Variants in SLC25A26 observed in about 807,000 individuals in gnomAD.
The protein encoded by SLC25A26 is mitochondrial S-adenosylmethionine carrier protein.
Under a neutral mutation model 37.8 loss-of-function variants are expected in SLC25A26, and 36 were observed. The ratio of observed to expected loss-of-function variants is 0.95; its 90% CI spans 0.73 to 1.26. The LOEUF is 1.26. SLC25A26 is among the 50% of genes most tolerant of loss of function. The pLI is 0.00. For synonymous variants in SLC25A26, 129 were observed against 122.5 expected (o/e 1.05, Z -0.35); for missense variants, 390 against 331.1 (o/e 1.18, Z -1.38).
chr3:66,331,815 A>G (rs1224799834), intron 5 of SLC25A26, among the ~76,000 whole-genome samples: 1 of 152,170 alleles, frequency 6.6e-6, no homozygotes, highest in Non-Finnish European at 1.5e-5. Flanking sequence ...CTTTGCTATA[A>G]TAACTTCTGT....
At chr3:66,183,980 G>A (rs1403605533) in intron 1 of SLC25A26, among the ~76,000 whole-genome samples, 1 of 151,732 alleles carries the variant, frequency 6.6e-6, no homozygotes, top group Non-Finnish European at 1.5e-5. Flanking sequence ...TCTCACACTG[G>A]TGTTGACCCA....
In SLC25A26 at chr3:66,229,260, A is replaced by G. The variant is rs143522562; in HGVS notation, c.34-7284A>G. Among the ~76,000 whole-genome samples the G allele has an allele frequency of 6.2e-3, 944 of 152,312 alleles. 8 individuals are homozygous for G. The highest frequency in any genetic ancestry group is 0.014 in the Middle Eastern group (4 of 294). ...ATTTTATTTAATTCTCAAAAACTCT[A>G]TGAAGTATAGGTACTCTTTTCCCTG... On this transcript the variant is annotated intron_variant, in intron 1 of 9. Transcript: ENST00000354883.
intron 9 of SLC25A26, among the ~76,000 whole-genome samples, chr3:66,374,181 C>T (rs1700504967): frequency 6.6e-6 from 1 of 152,216 alleles, no homozygotes; most frequent in African/African-American, 2.4e-5. Context: ...AATTGCACTT[C>T]TCAGTGCACT....
intron 1 of SLC25A26, among the ~76,000 whole-genome samples, chr3:66,183,554 G>A (rs192331292): frequency 5.9e-5 from 9 of 151,692 alleles, no homozygotes; most frequent in African/African-American, 1.5e-4. Context: ...GACCTTTATC[G>A]TGATGTTGAC....
At chr3:66,340,497 C>T (rs572026353) in intron 5 of SLC25A26, among the ~76,000 whole-genome samples, 19 of 152,164 alleles carry the variant, frequency 1.2e-4, no homozygotes, top group African/African-American at 4.6e-4. Flanking sequence ...TATCCACGGA[C>T]CACCCGTTCT....
At chr3:66,295,409 T>TG (rs1327074987) in intron 5 of SLC25A26, among the ~76,000 whole-genome samples, 5 of 148,888 alleles carry the variant, frequency 3.4e-5, no homozygotes, top group African/African-American at 9.9e-5. Flanking sequence ...ATTTTTGTTT[T>TG]TTTTTTTTTT....
intron 2 of SLC25A26, among the ~76,000 whole-genome samples, chr3:66,240,569 G>T (rs141287111): frequency 6.6e-6 from 1 of 151,860 alleles, no homozygotes; most frequent in African/African-American, 2.4e-5. Context: ...GGGCCACTGT[G>T]CCTGGCCCAT....
At chr3:66,243,151 G>A in intron 2 of SLC25A26, 52 bp from the exon 3 acceptor site, 1 of 830,708 alleles carries the variant, frequency 1.2e-6, no homozygotes. Flanking sequence ...TTTCTTAACA[G>A]TGTGAATATA....
chr3:66,290,697 G>C (rs2074675138), intron 5 of SLC25A26, among the ~76,000 whole-genome samples: 1 of 152,158 alleles, frequency 6.6e-6, no homozygotes, highest in Non-Finnish European at 1.5e-5. Flanking sequence ...TTGTCGGTGT[G>C]CTGCTGGATT....
At chr3:66,237,928 T>C (rs2072374264) in intron 2 of SLC25A26, among the ~76,000 whole-genome samples, 1 of 152,240 alleles carries the variant, frequency 6.6e-6, no homozygotes, top group African/African-American at 2.4e-5. Flanking sequence ...CATAAAGGTT[T>C]GTAGTGCAAA....
Position 66,315,736 on chromosome 3 carries a change from T to C in SLC25A26, c.454-30628T>C, listed in dbSNP as rs181770213. Among the ~76,000 whole-genome samples, 7 of 152,308 alleles carry C rather than the reference T, an allele frequency of 4.6e-5. 1 individual carries two copies. Among genetic ancestry groups the C allele is most frequent in the Admixed American group, 3.3e-4 (5 of 15,294 alleles). ...GTATTAAAGTCTCCCACTATACTTG[T>C]GTGGGAGTGTAAATCTCTTTGTAGG... On this transcript the variant is annotated intron_variant, in intron 5 of 9. Coordinates refer to ENST00000354883, the MANE Select transcript of SLC25A26 (RefSeq NM_001379210.1).
At chr3:66,209,900 A>C (rs1361448484) in intron 1 of SLC25A26, among the ~76,000 whole-genome samples, 177 of 11,974 alleles carry the variant, frequency 0.015, 2 homozygotes, top group African/African-American at 0.06. Flanking sequence ...CTCTCTATTT[A>C]TATATATATA....
intron 3 of SLC25A26, among the ~76,000 whole-genome samples, chr3:66,252,105 A>G (rs1265598323): frequency 2.0e-5 from 3 of 152,108 alleles, no homozygotes; most frequent in African/African-American, 2.4e-5. Context: ...ACTGAATACT[A>G]CTCTCAAAGG....
At chr3:66,296,261 A>T (rs1288845141) in intron 5 of SLC25A26, among the ~76,000 whole-genome samples, 1 of 152,200 alleles carries the variant, frequency 6.6e-6, no homozygotes, top group South Asian at 2.1e-4. Context: ...TAAATTTGGG[A>T]ATTTTTCACT....
intron 1 of SLC25A26, among the ~76,000 whole-genome samples, chr3:66,222,045 G>A (rs2071520377): frequency 1.3e-5 from 2 of 152,074 alleles, no homozygotes; most frequent in Admixed American, 1.3e-4. Flanking sequence ...ATAACAGGTG[G>A]GCTAGGTTCA....
chr3:66,247,100 G>A (rs546456665), intron 3 of SLC25A26, among the ~76,000 whole-genome samples: 80 of 151,972 alleles, frequency 5.3e-4, no homozygotes, highest in Non-Finnish European at 9.9e-4. Context: ...TCCTGACTTC[G>A]TGATCCGCCC....
At chr3:66,211,110 G>T (rs1480508222) in intron 1 of SLC25A26, among the ~76,000 whole-genome samples, 2 of 152,170 alleles carry the variant, frequency 1.3e-5, no homozygotes, top group Non-Finnish European at 2.9e-5. Context: ...TTGGATCTGA[G>T]AAATGACAAA....
At chr3:66,332,935 T>C (rs1426415072) in intron 5 of SLC25A26, among the ~76,000 whole-genome samples, 1 of 152,218 alleles carries the variant, frequency 6.6e-6, no homozygotes. Context: ...TGAGTATCCA[T>C]ACATACACTT....
chr3:66,244,463 T>C (rs1239308648), intron 3 of SLC25A26, among the ~76,000 whole-genome samples: 2 of 152,216 alleles, frequency 1.3e-5, no homozygotes, highest in East Asian at 1.9e-4. Context: ...ATGACAAGAT[T>C]GGTCTGTTGA....
Sources: allele counts gnomAD v4.1 joint callset (sites outside exome capture counted in the v4.1 genomes callset), GRCh38; gene constraint gnomAD v4.1.1; transcripts MANE v1.5; gene names NCBI Gene and HGNC (gene_info 2026-07-23, HGNC 2026-07-21).